VWDE: variants seen among roughly 807,000 people sequenced by gnomAD.
VWDE encodes von Willebrand factor D and EGF domains.
A neutral mutation model predicts 178.4 loss-of-function variants in VWDE; 207 were observed. The ratio of observed to expected loss-of-function variants is 1.16; its 90% CI spans 1.04 to 1.30. The LOEUF is 1.30. Ranked by LOEUF, VWDE falls within the 50% of genes most tolerant of loss-of-function variation. The pLI is 0.00. For synonymous variants in VWDE, 738 were observed against 651.4 expected (o/e 1.13, Z -2.02); for missense variants, 2,287 against 1,901.3 (o/e 1.20, Z -3.77).
rs1002337462 is a variant in VWDE at position 12,331,032 on chromosome 7, C to T, written c.*151G>A. Reference sequence around the variant, plus strand: ...TCTTTGCTTTTCTCTATGATTACAACAGAGATCATTATGTATTTTATTAGT... The same window carrying T: ...TCTTTGCTTTTCTCTATGATTACAATAGAGATCATTATGTATTTTATTAGT... On this transcript the variant is annotated 3_prime_UTR_variant, in exon 29 of 29. Transcript: ENST00000275358. 4 of 592,318 alleles carry T rather than the reference C, an allele frequency of 6.8e-6. No individual in the cohort carries two copies. The highest frequency in any genetic ancestry group is 1.1e-5 in the Non-Finnish European group (4 of 349,762). The allele number at this position is 592,318 out of a possible 1,614,324, so 36.7% of individuals were successfully genotyped here. A position where few individuals can be genotyped will look rare whatever the true frequency, so the allele number is the denominator to read the frequency against.
chr7:12,339,079 T>G (rs1039305471), intron 24 of VWDE, among the ~76,000 whole-genome samples: 1 of 151,274 alleles, frequency 6.6e-6, no homozygotes, highest in Non-Finnish European at 1.5e-5. Flanking sequence ...GTCTGAGGCA[T>G]GGAGCCTTCA....
intron 2 of VWDE, among the ~76,000 whole-genome samples, chr7:12,390,688 C>T (rs932033506): frequency 1.7e-4 from 26 of 151,772 alleles, no homozygotes; most frequent in African/African-American, 6.3e-4. Flanking sequence ...TCTAAGACTA[C>T]AAATGGGCAA....
intron 27 of VWDE, among the ~76,000 whole-genome samples, chr7:12,335,861 C>G (rs1031906669): frequency 2.0e-5 from 3 of 152,138 alleles, no homozygotes; most frequent in Non-Finnish European, 2.9e-5. Flanking sequence ...TATATCAATA[C>G]CTTCTTTGGC....
chr7:12,362,013 A>G (rs1244539729), intron 13 of VWDE, among the ~76,000 whole-genome samples: 1 of 151,880 alleles, frequency 6.6e-6, no homozygotes, highest in East Asian at 1.9e-4. Context: ...GCAGGGGCGG[A>G]CCTAAGCTAG....
At position 12,367,572 on chromosome 7, in the gene VWDE, A is replaced by T. The variant is rs904940178; in HGVS notation, c.2762-79T>A. ...AAAACTAATTATTTCCAAGCCCCAA[A>T]TTAAAAGCATATGGAAAATAATATT... On this transcript the variant is annotated intron_variant, in intron 12 of 28. Coordinates refer to ENST00000275358, the MANE Select transcript of VWDE (RefSeq NM_001135924.3). 5 of 1,188,832 alleles carry T rather than the reference A, an allele frequency of 4.2e-6. No homozygotes were observed. In the South Asian group the frequency reaches 7.2e-5, roughly 17 times the overall value. 73.6% of individuals were successfully genotyped at this position (1,188,832 alleles called of 1,614,324 possible). A position where few individuals can be genotyped will look rare whatever the true frequency, so the allele number is the denominator to read the frequency against.
intron 2 of VWDE, 42 bp from the exon 3 acceptor site, chr7:12,389,400 T>A (rs752841235): frequency 4.9e-5 from 68 of 1,400,080 alleles, no homozygotes; most frequent in Middle Eastern, 1.8e-4. Context: ...TTCAGTTTAT[T>A]TTCATCCATT....
intron 10 of VWDE, among the ~76,000 whole-genome samples, chr7:12,372,398 TATTTAA>T (rs1365805045): frequency 6.6e-6 from 1 of 152,078 alleles, no homozygotes; most frequent in East Asian, 1.9e-4. Flanking sequence ...TTAATACTTT[TATTTAA>T]ATTTAAATTT....
intron 19 of VWDE, among the ~76,000 whole-genome samples, chr7:12,347,217 A>G (rs1024033625): frequency 3.9e-5 from 6 of 152,192 alleles, no homozygotes; most frequent in Non-Finnish European, 7.3e-5. Context: ...TCCTTCCAGA[A>G]CCAAATTGTT....
chr7:12,352,824 C>T (rs138108476), intron 18 of VWDE, among the ~76,000 whole-genome samples: 1 of 152,308 alleles, frequency 6.6e-6, no homozygotes, highest in African/African-American at 2.4e-5. Context: ...ATCTTCAACA[C>T]TGTCTTCTAT....
At chr7:12,372,947 A>C (rs1783288265) in intron 10 of VWDE, 30 bp downstream of exon 10, 1 of 1,532,934 alleles carries the variant, frequency 6.5e-7, no homozygotes, top group Non-Finnish European at 8.8e-7. Flanking sequence ...AAAAGGAAAA[A>C]TACTTTCAAT....
At chr7:12,393,814 T>C (rs189265819) in intron 1 of VWDE, 36 bp from the exon 2 acceptor site, 15 of 1,488,450 alleles carry the variant, frequency 1.0e-5, no homozygotes, top group African/African-American at 8.5e-5. Context: ...ATGTAATGTG[T>C]TTTGTTTGTT....
intron 13 of VWDE, among the ~76,000 whole-genome samples, chr7:12,365,234 T>C (rs1298245232): frequency 6.6e-6 from 1 of 152,108 alleles, no homozygotes; most frequent in East Asian, 1.9e-4. Context: ...CTGGTAAATT[T>C]ACAGAACAAG....
chr7:12,349,294 T>C (rs1026107997), intron 19 of VWDE, among the ~76,000 whole-genome samples: 5 of 150,676 alleles, frequency 3.3e-5, no homozygotes, highest in Non-Finnish European at 5.9e-5. Flanking sequence ...GTGACTTATC[T>C]TATAAATGAT....
intron 19 of VWDE, among the ~76,000 whole-genome samples, chr7:12,348,132 C>G (rs1246526125): frequency 6.6e-6 from 1 of 151,580 alleles, no homozygotes; most frequent in Non-Finnish European, 1.5e-5. Flanking sequence ...TAGAAGAAAA[C>G]CTAGGCAATA....
rs1415420934 is a variant in VWDE at position 12,370,058 on chromosome 7, A to T, written c.2248T>A (p.Trp750Arg). 1 of 1,551,404 alleles carries T rather than the reference A, an allele frequency of 6.4e-7. No individual in the cohort carries two copies. Reference protein sequence around the residue: ...QEMRYNRQNRWKRQNFHEFPP... With the variant: ...QEMRYNRQNRRKRQNFHEFPP... ...AACTCATGAAAGTTCTGCCGTTTCC[A>T]TCTGTTTTGTCGATTGTACCTCATT... Residue 750 changes from tryptophan to arginine, a missense_variant, in exon 12 of 29, where the codon TGG (tryptophan) becomes AGG (arginine). By Grantham distance (101) the Trp-to-Arg change is moderately radical. Transcript: ENST00000275358.
chr7:12,390,441 T>G (rs1484159533), intron 2 of VWDE, among the ~76,000 whole-genome samples: 2 of 152,036 alleles, frequency 1.3e-5, no homozygotes, highest in East Asian at 3.9e-4. Flanking sequence ...AACTTCTACA[T>G]AGTAATGGCT....
intron 27 of VWDE, among the ~76,000 whole-genome samples, chr7:12,335,753 C>G (rs1318830112): frequency 6.6e-6 from 1 of 152,120 alleles, no homozygotes; most frequent in African/African-American, 2.4e-5. Context: ...CTGCACCCGG[C>G]CTAGAGTGAT....
chr7:12,362,122 G>C (rs1782615075), intron 13 of VWDE, among the ~76,000 whole-genome samples: 1 of 151,862 alleles, frequency 6.6e-6, no homozygotes, highest in Non-Finnish European at 1.5e-5. Context: ...CAAAACTATG[G>C]AGTGGTTGGT....
chr7:12,337,846 T>C (rs550214256), intron 24 of VWDE, among the ~76,000 whole-genome samples: 86 of 152,296 alleles, frequency 5.6e-4, no homozygotes, highest in Non-Finnish European at 9.9e-4. Flanking sequence ...TGGTAGTTCC[T>C]ATTTGTATAA....
Sources: allele counts gnomAD v4.1 joint callset (sites outside exome capture counted in the v4.1 genomes callset), GRCh38; gene constraint gnomAD v4.1.1; transcripts MANE v1.5; gene names NCBI Gene and HGNC (gene_info 2026-07-23, HGNC 2026-07-21).